The following CCBE1 variants were observed in gnomAD, a reference collection of about 807,000 sequenced individuals.
The protein encoded by CCBE1 is collagen and calcium-binding EGF domain-containing protein 1.
A neutral mutation model predicts 50.0 loss-of-function variants in CCBE1; 37 were observed. The ratio of observed to expected loss-of-function variants is 0.74; its 90% CI spans 0.57 to 0.97. CCBE1 has a LOEUF of 0.97. CCBE1 is among the 50% of genes least tolerant of loss of function. The pLI, the probability that CCBE1 is intolerant of heterozygous loss-of-function variation, is 0.00. For synonymous variants in CCBE1, 234 were observed against 203.7 expected (o/e 1.15, Z -1.27); for missense variants, 538 against 523.8 (o/e 1.03, Z -0.26).
Position 59,626,301 on chromosome 18 carries a change from G to C in CCBE1, c.212+70328C>G, listed in dbSNP as rs530877718. Among the ~76,000 whole-genome samples, 36 of 152,296 alleles carry C rather than the reference G, an allele frequency of 2.4e-4. 1 individual carries two copies. Among genetic ancestry groups the C allele is most frequent in the Admixed American group, 1.7e-3 (26 of 15,288 alleles). ...TTGGTAAAGTAAACCACCTCGCAAT[G>C]CATCTGTTTTGAAAGTCCAAGCTTT... On this transcript the variant is annotated intron_variant, in intron 2 of 10. Coordinates refer to ENST00000439986, the MANE Select transcript of CCBE1 (RefSeq NM_133459.4).
At chr18:59,591,495 G>A (rs1256179260) in intron 2 of CCBE1, among the ~76,000 whole-genome samples, 4 of 151,978 alleles carry the variant, frequency 2.6e-5, no homozygotes, top group South Asian at 2.1e-4. Flanking sequence ...CATATACATC[G>A]TATAAACTCA....
At chr18:59,488,318 C>A (rs777935292) in intron 2 of CCBE1, among the ~76,000 whole-genome samples, 2 of 152,060 alleles carry the variant, frequency 1.3e-5, no homozygotes, top group East Asian at 3.9e-4. Flanking sequence ...GAATTTTACA[C>A]CTAAAGTGGT....
In CCBE1 at chr18:59,432,843, C is replaced by T. The variant is rs1214070243; in HGVS notation, c.*3065G>A. 1 of 152,080 alleles carries T rather than the reference C, an allele frequency of 6.6e-6. No individual in the cohort carries two copies. Among genetic ancestry groups the T allele is most frequent in the East Asian group, 1.9e-4 (1 of 5,196 alleles). 9.4% of individuals were successfully genotyped at this position (152,080 alleles called of 1,614,324 possible). On this transcript the variant is annotated 3_prime_UTR_variant, in exon 11 of 11. Transcript: ENST00000439986. ...TTTATGAGCATTTCACAATAAAGAT[C>T]ATATTTCTAAATACAGTTCACTGTC...
chr18:59,668,418 A>AAATAATAATAATAAT (rs58896218), intron 2 of CCBE1, among the ~76,000 whole-genome samples: 1,706 of 150,284 alleles, frequency 0.011, 41 homozygotes, highest in African/African-American at 0.041. Context: ...CTCCATCTCA[A>AAATAATAATAATAAT]AATAATAATA....
chr18:59,465,304 A>G (rs999488032), intron 5 of CCBE1: 1 of 151,988 alleles, frequency 6.6e-6, no homozygotes, highest in East Asian at 1.9e-4. Context: ...GAGCATTGAT[A>G]TTAGTTTAGG....
intron 2 of CCBE1, among the ~76,000 whole-genome samples, chr18:59,529,026 C>T (rs1914942263): frequency 6.6e-6 from 1 of 152,254 alleles, no homozygotes; most frequent in African/African-American, 2.4e-5. Flanking sequence ...GGAAATCTCA[C>T]TTGTCTGGAC....
At position 59,624,592 on chromosome 18, in the gene CCBE1, C is replaced by T. The variant is rs113334522; in HGVS notation, c.212+72037G>A. Reference sequence around the variant, plus strand: ...ATGGAGTTTTTAAATATTGCTATGACGGTGGTGGCCACAAAACAGGATGAC... The same window carrying T: ...ATGGAGTTTTTAAATATTGCTATGATGGTGGTGGCCACAAAACAGGATGAC... On this transcript the variant is annotated intron_variant, in intron 2 of 10. Coordinates refer to ENST00000439986, the MANE Select transcript of CCBE1 (RefSeq NM_133459.4). 9.1e-3 allele frequency among the ~76,000 whole-genome samples: 1,387 copies of T among 152,230 alleles called. 29 individuals carry two copies. Among genetic ancestry groups the T allele is most frequent in the East Asian group, 0.036 (189 of 5,182 alleles).
intron 2 of CCBE1, among the ~76,000 whole-genome samples, chr18:59,483,607 A>G (rs574871237): frequency 6.6e-6 from 1 of 152,326 alleles, no homozygotes; most frequent in Non-Finnish European, 1.5e-5. Context: ...ATTTCATAAA[A>G]TCCCTAATTA....
At chr18:59,439,160 G>A (rs1314231833) in intron 9 of CCBE1, among the ~76,000 whole-genome samples, 1 of 152,124 alleles carries the variant, frequency 6.6e-6, no homozygotes, top group Non-Finnish European at 1.5e-5. Flanking sequence ...GGTGGCGGTC[G>A]CCTGTAGTCC....
At chr18:59,439,075 A>G (rs968675236) in intron 9 of CCBE1, among the ~76,000 whole-genome samples, 5 of 152,092 alleles carry the variant, frequency 3.3e-5, no homozygotes, top group Non-Finnish European at 5.9e-5. Context: ...TCACGAAGTC[A>G]GGAGATGGAG....
intron 2 of CCBE1, chr18:59,666,236 C>A (rs559367628): frequency 6.6e-6 from 1 of 152,116 alleles, no homozygotes; most frequent in African/African-American, 2.4e-5. Flanking sequence ...ATCATGAGAA[C>A]GGCACGGGAA....
intron 2 of CCBE1, among the ~76,000 whole-genome samples, chr18:59,659,557 A>T (rs2054253874): frequency 6.6e-6 from 1 of 152,208 alleles, no homozygotes; most frequent in African/African-American, 2.4e-5. Context: ...AGAAAGAACA[A>T]CATCACGAAA....
At chr18:59,665,175 T>TC (rs199717963) in intron 2 of CCBE1, among the ~76,000 whole-genome samples, 4 of 118,554 alleles carry the variant, frequency 3.4e-5, no homozygotes, top group Middle Eastern at 3.8e-3. Flanking sequence ...TCAACCAGAG[T>TC]CCCCCCGAGA....
At chr18:59,529,753 T>C (rs747530488) in intron 2 of CCBE1, among the ~76,000 whole-genome samples, 5 of 152,064 alleles carry the variant, frequency 3.3e-5, no homozygotes, top group Non-Finnish European at 7.4e-5. Flanking sequence ...GTTTTAGTTC[T>C]TCTCAGTGGG....
At chr18:59,661,214 G>T (rs1465638654) in intron 2 of CCBE1, among the ~76,000 whole-genome samples, 1 of 145,558 alleles carries the variant, frequency 6.9e-6, no homozygotes, top group Non-Finnish European at 1.6e-5. Flanking sequence ...AATATTTTTG[G>T]TCTAGCACAA....
chr18:59,606,824 C>T (rs796183222), intron 2 of CCBE1, among the ~76,000 whole-genome samples: 12 of 152,294 alleles, frequency 7.9e-5, no homozygotes, highest in African/African-American at 2.4e-4. Context: ...CTACATATTT[C>T]GACAGCTGTT....
At chr18:59,543,062 T>G (rs1379815222) in intron 2 of CCBE1, among the ~76,000 whole-genome samples, 6 of 152,190 alleles carry the variant, frequency 3.9e-5, no homozygotes, top group African/African-American at 1.4e-4. Flanking sequence ...CTCCTCCAAA[T>G]TTTGGCTTCC....
At chr18:59,564,070 C>T (rs1272841945) in intron 2 of CCBE1, 1 of 152,210 alleles carries the variant, frequency 6.6e-6, no homozygotes, top group Non-Finnish European at 1.5e-5. Flanking sequence ...GATGGTGAGA[C>T]ATTCTTCCCA....
intron 2 of CCBE1, among the ~76,000 whole-genome samples, chr18:59,529,928 G>A (rs1914983467): frequency 1.3e-5 from 2 of 152,248 alleles, no homozygotes; most frequent in South Asian, 4.1e-4. Flanking sequence ...TTGTTCTGAA[G>A]TTCTCAGACA....
Sources: allele counts gnomAD v4.1 joint callset (sites outside exome capture counted in the v4.1 genomes callset), GRCh38; gene constraint gnomAD v4.1.1; transcripts MANE v1.5; gene names NCBI Gene and HGNC (gene_info 2026-07-23, HGNC 2026-07-21).